Variants in DLEC1 observed in about 807,000 individuals in gnomAD.
The protein encoded by DLEC1 is DLEC1 cilia and flagella associated protein, also known as deleted in lung and esophageal cancer protein 1.
DLEC1 carries 146 observed loss-of-function variants against 198.1 expected under a neutral mutation model. The observed-to-expected ratio is 0.74, with a 90% confidence interval of 0.64 to 0.85. The LOEUF (loss-of-function observed/expected upper bound fraction) is 0.85. DLEC1 is among the 40% of genes least tolerant of loss of function. The probability of loss-of-function intolerance (pLI) is 0.00; values close to 1 mark genes in which losing one functional copy is unlikely to be tolerated. For synonymous variants in DLEC1, 897 were observed against 866.8 expected (o/e 1.03, Z -0.61); for missense variants, 2,233 against 2,220.0 (o/e 1.01, Z -0.12).
chr3:38,085,814 C>A (rs1698424832), intron 8 of DLEC1, among the ~76,000 whole-genome samples: 1 of 152,104 alleles, frequency 6.6e-6, no homozygotes, highest in African/African-American at 2.4e-5. Flanking sequence ...CGTCGTTGTC[C>A]TCGTGGCTGT....
At chr3:38,071,952 G>A (rs901905727) in intron 6 of DLEC1, among the ~76,000 whole-genome samples, 1 of 152,226 alleles carries the variant, frequency 6.6e-6, no homozygotes, top group African/African-American at 2.4e-5. Context: ...GGGCAGAGTG[G>A]TAGCCTCAAT....
At chr3:38,106,623 G>T (rs1490807417) in intron 19 of DLEC1, among the ~76,000 whole-genome samples, 1 of 151,980 alleles carries the variant, frequency 6.6e-6, no homozygotes, top group Non-Finnish European at 1.5e-5. Flanking sequence ...TGGCATGGTG[G>T]CACATGCCTG....
chr3:38,040,111 G>T (rs1300222062), intron 1 of DLEC1, among the ~76,000 whole-genome samples: 1 of 152,106 alleles, frequency 6.6e-6, no homozygotes, highest in African/African-American at 2.4e-5. Flanking sequence ...CAGCTGACTC[G>T]CGGCCTCTGT....
Position 38,039,592 on chromosome 3 carries a change from A to G in DLEC1, c.367A>G (p.Ser123Gly), listed in dbSNP as rs775199798. The change falls in exon 1 of 37, where the codon AGC (serine) becomes GGC (glycine). Residue 123 changes from serine (S) to glycine (G), a missense_variant. Physicochemically the swap from Ser to Gly is moderately conservative, Grantham distance 56 (BLOSUM62 0). Coordinates refer to ENST00000308059, the MANE Select transcript of DLEC1 (RefSeq NM_007335.4). ...VSASLIKARG[S>G]ENERHEEFVD... ...CGCAAGCTTGATCAAGGCCCGCGGC[A>G]GCGAGAATGAGCGCCACGAGGAGTT... 1.9e-5 allele frequency: 31 copies of G among 1,610,988 alleles called. 1 individual carries two copies. The East Asian group carries it at 6.5e-4, about 34-fold the overall frequency.
chr3:38,117,652 G>T, intron 32 of DLEC1, 41 bp downstream of exon 32: 1 of 1,613,216 alleles, frequency 6.2e-7, no homozygotes, highest in Non-Finnish European at 8.5e-7. Flanking sequence ...AGCTTACCTG[G>T]ACCTCAGATG....
intron 7 of DLEC1, 64 bp downstream of exon 7, chr3:38,084,309 A>ATAG (rs1353632998): frequency 1.4e-6 from 2 of 1,387,894 alleles, no homozygotes; most frequent in African/African-American, 3.2e-5. Context: ...ATTAGTAGTA[A>ATAG]TAGTAGTAGT....
rs370196668 is a variant in DLEC1 at position 38,045,547 on chromosome 3, G to A, written c.416G>A (p.Arg139Gln). The A allele has an allele frequency of 8.4e-5, 136 of 1,611,910 alleles. No individual in the cohort carries two copies. The highest frequency in any genetic ancestry group is 4.5e-4 in the Admixed American group (27 of 59,510). The change falls in exon 2 of 37, where the codon CGG becomes CAG. Residue 139 changes from arginine to glutamine, a missense_variant. Physicochemically the swap from Arg to Gln is conservative, Grantham distance 43 (BLOSUM62 1). Transcript: ENST00000308059. ...ATTTGATCATCCCCCTGCCAGATTC[G>A]GGAGCTCTATAAGCAGCGGCTGGAT... ...EEFVDQLQQI[R>Q]ELYKQRLDEF...
intron 6 of DLEC1, among the ~76,000 whole-genome samples, 196 bp from the exon 7 acceptor site, chr3:38,083,962 A>G (rs533472222): frequency 2.0e-5 from 3 of 152,206 alleles, no homozygotes; most frequent in African/African-American, 7.2e-5. Context: ...AAACTTCCCA[A>G]AACAAACAAA....
At position 38,120,572 on chromosome 3, in the gene DLEC1, A is replaced by G; in HGVS notation, c.4829A>G (p.Gln1610Arg). Residue 1610 changes from glutamine (Q) to arginine (R), a missense_variant, in exon 34 of 37, where the codon CAG (glutamine) becomes CGG (arginine). By Grantham distance (43) the Gln-to-Arg change is conservative. Transcript: ENST00000308059. ...GGAGAGAGAGAGATGGTGTTTACTC[A>G]GAACCTGCTCCTGGAGTACACCAAC... ...ASGEREMVFT[Q>R]NLLLEYTNQT... 1 of 1,613,852 alleles carries G rather than the reference A, an allele frequency of 6.2e-7. No homozygotes were observed. Among genetic ancestry groups the G allele is most frequent in the Non-Finnish European group, 8.5e-7 (1 of 1,179,940 alleles).
intron 6 of DLEC1, among the ~76,000 whole-genome samples, chr3:38,065,403 G>A (rs1239420881): frequency 3.3e-5 from 5 of 149,990 alleles, no homozygotes; most frequent in East Asian, 1.9e-4. Context: ...GAGGAAGACC[G>A]TGCAGAGGGA....
In DLEC1 at chr3:38,122,208, C is replaced by G. The variant is rs1184440735; in HGVS notation, c.5144+14C>G. 6.2e-7 allele frequency: 1 copy of G among 1,612,094 alleles called. No homozygotes were observed. Among genetic ancestry groups the G allele is most frequent in the Non-Finnish European group, 8.5e-7 (1 of 1,178,754 alleles). ...CTTCACTGCCAGGTGCAGCCCCTTC[C>G]AACCTTCCCCAAACTGCCCACAGAG... On this transcript the variant is annotated intron_variant, in intron 36 of 36. Coordinates refer to ENST00000308059, the MANE Select transcript of DLEC1 (RefSeq NM_007335.4).
chr3:38,103,995 A>G (rs1438384780), intron 19 of DLEC1, among the ~76,000 whole-genome samples: 1 of 152,260 alleles, frequency 6.6e-6, no homozygotes, highest in Non-Finnish European at 1.5e-5. Context: ...ACACAGAGAC[A>G]TGAAATGAGG....
chr3:38,115,503 G>T (rs1014381928), intron 27 of DLEC1, among the ~76,000 whole-genome samples: 1 of 143,964 alleles, frequency 6.9e-6, no homozygotes, highest in South Asian at 2.1e-4. Flanking sequence ...TGTAGGCTGA[G>T]TCTAAGAGGA....
intron 2 of DLEC1, among the ~76,000 whole-genome samples, chr3:38,053,998 T>C (rs996362131): frequency 3.3e-5 from 5 of 151,968 alleles, no homozygotes; most frequent in Non-Finnish European, 5.9e-5. Flanking sequence ...GAAGGCAGCA[T>C]GCTCCTTAAG....
At position 38,062,708 on chromosome 3, in the gene DLEC1, C is replaced by T. The variant is rs1267308656; in HGVS notation, c.1001C>T (p.Pro334Leu). ...NHFLKNPRFF[P>L]PNTRYGGKSL... Reference sequence around the variant, plus strand: ...TTCCTAAAAAATCCCCGTTTTTTTCCTCCTAACACTCGATATGGAGGCAAG... The same window carrying T: ...TTCCTAAAAAATCCCCGTTTTTTTCTTCCTAACACTCGATATGGAGGCAAG... The change falls in exon 5 of 37, where the codon CCT (proline) becomes CTT (leucine). Residue 334 changes from proline (P) to leucine (L), a missense_variant. Coordinates refer to ENST00000308059, the MANE Select transcript of DLEC1 (RefSeq NM_007335.4). The T allele has an allele frequency of 1.4e-5, 22 of 1,614,026 alleles. No homozygotes were observed. The highest frequency in any genetic ancestry group is 1.8e-5 in the Non-Finnish European group (21 of 1,180,000).
At chr3:38,116,749 A>G in intron 28 of DLEC1, 24 bp from the exon 29 acceptor site, 1 of 1,608,828 alleles carries the variant, frequency 6.2e-7, no homozygotes, top group African/African-American at 1.3e-5. Flanking sequence ...GACTGCGTGA[A>G]CCTCAGTGAT....
intron 23 of DLEC1, among the ~76,000 whole-genome samples, chr3:38,110,701 AG>A (rs1437484005): frequency 3.9e-5 from 6 of 152,198 alleles, no homozygotes; most frequent in African/African-American, 1.2e-4. Context: ...GGTGCCCCAT[AG>A]ATCAGACAGT....
In DLEC1 at chr3:38,112,074, G is replaced by A. The variant is rs913991416; in HGVS notation, c.3515-136G>A. The A allele has an allele frequency of 7.3e-6, 10 of 1,366,926 alleles. No homozygotes were observed. The highest frequency in any genetic ancestry group is 1.4e-5 in the African/African-American group (1 of 69,454). 84.7% of individuals were successfully genotyped at this position (1,366,926 alleles called of 1,614,324 possible). A position where few individuals can be genotyped will look rare whatever the true frequency, so the allele number is the denominator to read the frequency against. On this transcript the variant is annotated intron_variant, in intron 24 of 36. Coordinates refer to ENST00000308059, the MANE Select transcript of DLEC1 (RefSeq NM_007335.4). The surrounding 1 kb of genome is among the most constrained non-coding windows in gnomAD (Gnocchi z 4.8). ...CCTCTGGATTCCAGGCTCCCAGGAGGAGGGCACATGTAGCCTGACCAAGGA... is the reference window on the plus strand; with the variant it reads ...CCTCTGGATTCCAGGCTCCCAGGAGAAGGGCACATGTAGCCTGACCAAGGA...
At chr3:38,046,192 C>T (rs926557917) in intron 2 of DLEC1, among the ~76,000 whole-genome samples, 4 of 152,120 alleles carry the variant, frequency 2.6e-5, no homozygotes, top group Admixed American at 1.3e-4. Context: ...ATTAAACAGG[C>T]GGTTGCTGGG....
Sources: allele counts gnomAD v4.1 joint callset (sites outside exome capture counted in the v4.1 genomes callset), GRCh38; gene constraint gnomAD v4.1.1; non-coding constraint Gnocchi (gnomAD v3.1); transcripts MANE v1.5; gene names NCBI Gene and HGNC (gene_info 2026-07-23, HGNC 2026-07-21).